MAP2: variants seen among roughly 807,000 people sequenced by gnomAD.
MAP2 encodes microtubule-associated protein 2.
A neutral mutation model predicts 137.6 loss-of-function variants in MAP2; 14 were observed. The ratio of observed to expected loss-of-function variants is 0.10; its 90% confidence interval spans 0.07 to 0.16. The LOEUF (loss-of-function observed/expected upper bound fraction) is 0.16. MAP2 is among the 10% of genes least tolerant of loss of function. The pLI, the probability that MAP2 is intolerant of heterozygous loss-of-function variation, is 1.00. For synonymous variants in MAP2, 786 were observed against 782.3 expected (o/e 1.00, Z -0.08); for missense variants, 2,088 against 2,191.5 (o/e 0.95, Z 0.94).
At position 209,694,537 on chromosome 2, in the gene MAP2, T is replaced by C. The variant is rs945385674; in HGVS notation, c.2367T>C (p.Pro789=). 1.9e-6 allele frequency: 3 copies of C among 1,613,980 alleles called. No homozygotes were observed. Among genetic ancestry groups the C allele is most frequent in the Non-Finnish European group, 2.5e-6 (3 of 1,179,988 alleles). ...AAGCGGAGATATCATGTGAGTCTCCTTTCCTAGCCAAAGATTTTTACAAAA... is the reference window on the plus strand; with the variant it reads ...AAGCGGAGATATCATGTGAGTCTCCCTTCCTAGCCAAAGATTTTTACAAAA... The part of the protein sequence containing the change: ...STQAEISCES[P]FLAKDFYKNG... Residue 789 remains proline, a synonymous_variant, in exon 8 of 16, where the codon CCT becomes CCC. Transcript: ENST00000682079.
intron 13 of MAP2, among the ~76,000 whole-genome samples, chr2:209,720,676 G>T (rs898198186): frequency 2.0e-5 from 3 of 150,544 alleles, no homozygotes; most frequent in Non-Finnish European, 3.0e-5. Flanking sequence ...AAATAAATTG[G>T]CAGAGATTAA....
chr2:209,430,237 T>A (rs1469483036), intron 1 of MAP2, among the ~76,000 whole-genome samples: 1 of 151,202 alleles, frequency 6.6e-6, no homozygotes, highest in Admixed American at 6.6e-5. Flanking sequence ...TGAACAAAAT[T>A]TTCAATCTGT....
intron 2 of MAP2, among the ~76,000 whole-genome samples, chr2:209,552,585 G>T (rs1026711460): frequency 6.6e-6 from 1 of 152,110 alleles, no homozygotes; most frequent in Non-Finnish European, 1.5e-5. Flanking sequence ...CTTACTGGCC[G>T]GGTGGAGTGG....
At chr2:209,681,539 C>T (rs2153690299) in intron 7 of MAP2, among the ~76,000 whole-genome samples, 2 of 152,268 alleles carry the variant, frequency 1.3e-5, no homozygotes, top group Middle Eastern at 3.4e-3. Context: ...AGATGAAAGG[C>T]ACTACTTAAA....
At chr2:209,511,787 G>T (rs1055009946) in intron 2 of MAP2, among the ~76,000 whole-genome samples, 1 of 152,036 alleles carries the variant, frequency 6.6e-6, no homozygotes, top group Non-Finnish European at 1.5e-5. Flanking sequence ...GCCCAGGCTT[G>T]TCTCAAACTC....
intron 1 of MAP2, among the ~76,000 whole-genome samples, chr2:209,476,386 T>C (rs1169660838): frequency 7.4e-6 from 1 of 135,780 alleles, no homozygotes; most frequent in African/African-American, 2.6e-5. Flanking sequence ...CCCCACGATT[T>C]GTTTTTCTTA....
intron 1 of MAP2, among the ~76,000 whole-genome samples, chr2:209,464,456 G>T (rs775245168): frequency 4.6e-5 from 7 of 152,038 alleles, no homozygotes; most frequent in Non-Finnish European, 8.8e-5. Flanking sequence ...TTGCAGTCAG[G>T]CCCATTTTTG....
rs1246734523 is a variant in MAP2 at position 209,692,938 on chromosome 2, T to C, written c.768T>C (p.Pro256=). 1.9e-6 allele frequency: 3 copies of C among 1,613,966 alleles called. No individual in the cohort carries two copies. Among genetic ancestry groups the C allele is most frequent in the Non-Finnish European group, 2.5e-6 (3 of 1,179,954 alleles). ...VVPGIDLPKE[P]PTPKEQKDWF... is the part of the protein sequence containing the mutation. The stretch of plus-strand genomic sequence containing the variant: ...CTGGCATTGACCTCCCTAAAGAGCC[T>C]CCAACTCCAAAAGAACAAAAGGACT... The change falls in exon 8 of 16, where the codon CCT becomes CCC. Residue 256 remains proline, a synonymous_variant. Transcript: ENST00000682079.
intron 2 of MAP2, among the ~76,000 whole-genome samples, chr2:209,563,042 A>G (rs776735201): frequency 1.1e-4 from 16 of 152,168 alleles, no homozygotes; most frequent in Non-Finnish European, 2.1e-4. Context: ...TGTGCTGTTG[A>G]AATTTTCAGC....
intron 3 of MAP2, among the ~76,000 whole-genome samples, chr2:209,586,989 C>G (rs902137037): frequency 7.9e-5 from 12 of 152,144 alleles, no homozygotes; most frequent in African/African-American, 2.9e-4. Flanking sequence ...TATGAAAAAT[C>G]CATTAAATCA....
intron 4 of MAP2, among the ~76,000 whole-genome samples, chr2:209,640,237 G>T (rs2093911177): frequency 6.6e-6 from 1 of 151,860 alleles, no homozygotes; most frequent in Admixed American, 6.6e-5. Flanking sequence ...CTGTATTATT[G>T]TTATTGGTTT....
At chr2:209,616,710 G>A (rs2089537884) in intron 3 of MAP2, among the ~76,000 whole-genome samples, 1 of 152,058 alleles carries the variant, frequency 6.6e-6, no homozygotes, top group East Asian at 1.9e-4. Flanking sequence ...TCTTTCTAGA[G>A]TATACACATT....
intron 1 of MAP2, among the ~76,000 whole-genome samples, chr2:209,432,157 C>A (rs1694464474): frequency 6.6e-6 from 1 of 152,108 alleles, no homozygotes; most frequent in Non-Finnish European, 1.5e-5. Context: ...TCTGTAATGC[C>A]ATTAAATTTC....
chr2:209,562,770 C>T (rs80201917), intron 2 of MAP2, among the ~76,000 whole-genome samples: 2,998 of 152,138 alleles, frequency 0.02, 92 homozygotes, highest in African/African-American at 0.068. Context: ...GCCTCAAAAG[C>T]CCAGCGGTGA....
rs553679163 is a variant in MAP2 at position 209,555,545 on chromosome 2, A to G, written c.-171-24491A>G. The stretch of plus-strand genomic sequence containing the variant: ...ATTGAGAACATACAGAACCACAGGC[A>G]AAGTTCTAGTTTTTTAGTAATAAAG... On this transcript the variant is annotated intron_variant, in intron 2 of 15. Transcript: ENST00000682079. Among the ~76,000 whole-genome samples the G allele has an allele frequency of 5.3e-4, 80 of 152,322 alleles. 1 individual carries two copies. Among genetic ancestry groups the G allele is most frequent in the East Asian group, 3.3e-3 (17 of 5,186 alleles).
rs75848202 is a variant in MAP2, at chr2:209,515,646, G to A, written c.-172+8005G>A. ...CCACCTGGTCCCTCCCCTGACATGTGGAGATTAAAATTTGAGGTAAGATTT... is the reference window on the plus strand; with the variant it reads ...CCACCTGGTCCCTCCCCTGACATGTAGAGATTAAAATTTGAGGTAAGATTT... On this transcript the variant is annotated intron_variant, in intron 2 of 15. Coordinates refer to ENST00000682079, the MANE Select transcript of MAP2 (RefSeq NM_001375505.1). Among the ~76,000 whole-genome samples the A allele has an allele frequency of 6.7e-3, 1,022 of 152,158 alleles. 16 individuals carry two copies. The highest frequency in any genetic ancestry group is 0.023 in the African/African-American group (963 of 41,514).
At chr2:209,498,358 C>T (rs1422308511) in intron 1 of MAP2, among the ~76,000 whole-genome samples, 1 of 152,226 alleles carries the variant, frequency 6.6e-6, no homozygotes, top group African/African-American at 2.4e-5. Context: ...CCATACCCCT[C>T]AGATGCTCTC....
At chr2:209,562,932 A>T (rs1342932734) in intron 2 of MAP2, among the ~76,000 whole-genome samples, 1 of 152,184 alleles carries the variant, frequency 6.6e-6, no homozygotes, top group African/African-American at 2.4e-5. Flanking sequence ...ACATCTCAGG[A>T]TATTAAAAGA....
chr2:209,660,990 C>T (rs201028302), intron 5 of MAP2, among the ~76,000 whole-genome samples: 8 of 144,816 alleles, frequency 5.5e-5, no homozygotes, highest in East Asian at 4.2e-4. Context: ...GTGATCCGCC[C>T]GCCTCGGCAT....
Sources: allele counts gnomAD v4.1 joint callset (sites outside exome capture counted in the v4.1 genomes callset), GRCh38; gene constraint gnomAD v4.1.1; transcripts MANE v1.5; gene names NCBI Gene and HGNC (gene_info 2026-07-23, HGNC 2026-07-21).